The following RPRD2 variants were observed in gnomAD, a reference collection of about 807,000 sequenced individuals.
The protein encoded by RPRD2 is regulation of nuclear pre-mRNA domain containing 2.
A neutral mutation model predicts 104.4 loss-of-function variants in RPRD2; 12 were observed. The ratio of observed to expected loss-of-function variants is 0.11; its 90% CI spans 0.07 to 0.19. RPRD2 has a LOEUF of 0.19. RPRD2 is among the 10% of genes least tolerant of loss of function. RPRD2 has a pLI of 1.00. For synonymous variants in RPRD2, 714 were observed against 684.9 expected, an observed-to-expected ratio of 1.04 and a Z score of -0.66; for missense variants, 1,543 against 1,790.1, an observed-to-expected ratio of 0.86 and a Z score of 2.49.
chr1:150,379,433 G>A (rs1660966246), intron 1 of RPRD2, among the ~76,000 whole-genome samples: 1 of 150,398 alleles, frequency 6.6e-6, no homozygotes, highest in African/African-American at 2.4e-5. Flanking sequence ...ACCGAGTTTT[G>A]CTTTTGTTAC....
Position 150,405,246 on chromosome 1 carries a change from A to G in RPRD2, c.206-12350A>G, listed in dbSNP as rs79854846. The stretch of plus-strand genomic sequence containing the variant: ...TAAATTAAGTAACTGGTGGATTGAT[A>G]CCTTATGAATGTTAACATACTACTC... On this transcript the variant is annotated intron_variant, in intron 1 of 10. Transcript: ENST00000369068. 8.4e-3 allele frequency among the ~76,000 whole-genome samples: 1,281 copies of G among 152,304 alleles called. 26 individuals carry two copies. The highest frequency in any genetic ancestry group is 0.03 in the African/African-American group (1,226 of 41,556).
Position 150,418,991 on chromosome 1 carries a change from G to A in RPRD2, c.335+1266G>A, listed in dbSNP as rs1213161590. ...CACGCCACTGCACTCCAGCCTGGGC[G>A]ACAGAGTGAAACTCCGTCTCAAAAC... On this transcript the variant is annotated intron_variant, in intron 2 of 10. Coordinates refer to ENST00000369068, the MANE Select transcript of RPRD2 (RefSeq NM_015203.5). Among the ~76,000 whole-genome samples, 9 of 152,092 alleles carry A rather than the reference G, an allele frequency of 5.9e-5. No individual in the cohort carries two copies. In the South Asian group the frequency reaches 6.2e-4, roughly 11 times the overall value.
intron 9 of RPRD2, 69 bp from the exon 10 acceptor site, chr1:150,464,458 T>G: frequency 8.3e-7 from 1 of 1,211,346 alleles, no homozygotes; most frequent in Non-Finnish European, 1.2e-6. Context: ...CTCATTGAAG[T>G]GAGGGGAAGT....
rs1668860413 is a variant in RPRD2 at position 150,475,718 on chromosome 1, A to G, written c.*2384A>G. On this transcript the variant is annotated 3_prime_UTR_variant, in exon 11 of 11. Transcript: ENST00000369068. Reference sequence around the variant, plus strand: ...TCAGTAAATGAAGATGACAGTGTGTATATATGTGATAAATAGTGAAACAGA... The same window carrying G: ...TCAGTAAATGAAGATGACAGTGTGTGTATATGTGATAAATAGTGAAACAGA... 2 of 152,632 alleles carry G rather than the reference A, an allele frequency of 1.3e-5. No homozygotes were observed. Among genetic ancestry groups the G allele is most frequent in the South Asian group, 4.1e-4 (2 of 4,836 alleles). 9.5% of individuals were successfully genotyped at this position (152,632 alleles called of 1,614,324 possible).
intron 1 of RPRD2, among the ~76,000 whole-genome samples, chr1:150,411,541 G>A (rs1663916012): frequency 1.6e-5 from 2 of 126,764 alleles, no homozygotes; most frequent in Non-Finnish European, 3.3e-5. Flanking sequence ...TGTAATCCCA[G>A]CACTTTGGGA....
intron 9 of RPRD2, among the ~76,000 whole-genome samples, chr1:150,461,176 C>A (rs587720700): frequency 6.6e-6 from 1 of 151,670 alleles, no homozygotes; most frequent in East Asian, 1.9e-4. Context: ...GGTAGATTGC[C>A]TGAGGCCAGG....
chr1:150,436,154 C>A (rs1032717018), intron 2 of RPRD2, among the ~76,000 whole-genome samples: 2 of 151,214 alleles, frequency 1.3e-5, no homozygotes, highest in Non-Finnish European at 2.9e-5. Context: ...AACACAGATT[C>A]TTTACAAAAT....
intron 1 of RPRD2, among the ~76,000 whole-genome samples, chr1:150,387,566 CCTTTTTTTTTTTTTTTTTTTTTTTTT>C (rs1289577008): frequency 4.3e-5 from 3 of 70,116 alleles, no homozygotes; most frequent in Non-Finnish European, 8.8e-5. Flanking sequence ...TTGCAACAGA[CCTTTTTTTTTTTTTTTTTTTTTTTTT>C]TTTTTTTTTT....
Position 150,474,497 on chromosome 1 carries a change from C to T in RPRD2, c.*1163C>T, listed in dbSNP as rs1352932564. ...CAAGGCTCAAGTCTTACCCCCACCTCTCGCTCCCAATAGGAAATAAAGACC... is the reference window on the plus strand; with the variant it reads ...CAAGGCTCAAGTCTTACCCCCACCTTTCGCTCCCAATAGGAAATAAAGACC... On this transcript the variant is annotated 3_prime_UTR_variant, in exon 11 of 11. Coordinates refer to ENST00000369068, the MANE Select transcript of RPRD2 (RefSeq NM_015203.5). 1 of 152,124 alleles carries T rather than the reference C, an allele frequency of 6.6e-6. No homozygotes were observed. The highest frequency in any genetic ancestry group is 1.5e-5 in the Non-Finnish European group (1 of 68,034). 9.4% of individuals were successfully genotyped at this position (152,124 alleles called of 1,614,324 possible).
In RPRD2 at chr1:150,469,066, T is replaced by G. The variant is rs140447820; in HGVS notation, c.1613-1495T>G. Among the ~76,000 whole-genome samples, 478 of 152,286 alleles carry G rather than the reference T, an allele frequency of 3.1e-3. 1 individual carries two copies. The highest frequency in any genetic ancestry group is 3.6e-3 in the Non-Finnish European group (242 of 68,024). On this transcript the variant is annotated intron_variant, in intron 10 of 10. Transcript: ENST00000369068. Reference sequence around the variant, plus strand: ...CCATCCAACATTATTTAGAAATAAATGGCTTTAAAATGTTACAAGGATGGA... The same window carrying G: ...CCATCCAACATTATTTAGAAATAAAGGGCTTTAAAATGTTACAAGGATGGA...
chr1:150,425,102 T>G (rs1277369697), intron 2 of RPRD2, among the ~76,000 whole-genome samples: 1 of 152,156 alleles, frequency 6.6e-6, no homozygotes, highest in East Asian at 1.9e-4. Context: ...TAAATAAAAT[T>G]AGTTTCTCGT....
chr1:150,410,085 G>A (rs1553887355), intron 1 of RPRD2, among the ~76,000 whole-genome samples: 3 of 152,140 alleles, frequency 2.0e-5, no homozygotes, highest in African/African-American at 7.2e-5. Flanking sequence ...TTAACAGACC[G>A]TGAAGCAAGG....
chr1:150,411,838 G>T (rs1553887735), intron 1 of RPRD2, among the ~76,000 whole-genome samples: 1 of 146,692 alleles, frequency 6.8e-6, no homozygotes. Flanking sequence ...AAAGAAGAAG[G>T]CAGTAGGCTA....
At chr1:150,419,172 C>A (rs1553889147) in intron 2 of RPRD2, among the ~76,000 whole-genome samples, 1 of 152,094 alleles carries the variant, frequency 6.6e-6, no homozygotes, top group Non-Finnish European at 1.5e-5. Flanking sequence ...ATACTGTGTT[C>A]TTTGTGTTGC....
intron 1 of RPRD2, among the ~76,000 whole-genome samples, chr1:150,401,725 A>G (rs1245059977): frequency 7.4e-6 from 1 of 135,900 alleles, no homozygotes; most frequent in Non-Finnish European, 1.6e-5. Flanking sequence ...CTCACTGCAA[A>G]CGCCGCCTCC....
Position 150,473,310 on chromosome 1 carries a change from C to G in RPRD2, c.4362C>G (p.Arg1454=), listed in dbSNP as rs750819505. 1.9e-6 allele frequency: 3 copies of G among 1,611,984 alleles called. No individual in the cohort carries two copies. The African/African-American group carries it at 4.0e-5, about 22-fold the overall frequency. The change falls in exon 11 of 11, where the codon CGC becomes CGG. Residue 1454 remains arginine (R), a synonymous_variant. Transcript: ENST00000369068. ...ARGPPFFAPK[R]PFFPPRY ...GCCCTCCGTTCTTTGCACCAAAACGCCCATTCTTCCCTCCCAGGTACTGAT... is the reference window on the plus strand; with the variant it reads ...GCCCTCCGTTCTTTGCACCAAAACGGCCATTCTTCCCTCCCAGGTACTGAT...
At chr1:150,372,506 G>GACACAC (rs143656895) in intron 1 of RPRD2, among the ~76,000 whole-genome samples, 6 of 150,182 alleles carry the variant, frequency 4.0e-5, no homozygotes, top group Non-Finnish European at 5.9e-5. Context: ...CACACACACA[G>GACACAC]ACACACACAC....
At chr1:150,453,034 C>CT (rs11342600) in intron 7 of RPRD2, among the ~76,000 whole-genome samples, 247 of 132,976 alleles carry the variant, frequency 1.9e-3, no homozygotes, top group African/African-American at 2.5e-3. Context: ...AATATATTTA[C>CT]TTTTTTTTTT....
rs879958686 is a variant in RPRD2 at position 150,458,965 on chromosome 1, G to A, written c.1154-1095G>A. On this transcript the variant is annotated intron_variant, in intron 8 of 10. Coordinates refer to ENST00000369068, the MANE Select transcript of RPRD2 (RefSeq NM_015203.5). ...GCCCTGATTCTTTTTTTGTTAATTT[G>A]GCTGCTAGAAAATTTAAACTTACAT... 7.2e-5 allele frequency among the ~76,000 whole-genome samples: 11 copies of A among 152,084 alleles called. No individual in the cohort carries two copies. The Middle Eastern group carries it at 0.01, about 141-fold the overall frequency.
Sources: allele counts gnomAD v4.1 joint callset (sites outside exome capture counted in the v4.1 genomes callset), GRCh38; gene constraint gnomAD v4.1.1; transcripts MANE v1.5; gene names NCBI Gene and HGNC (gene_info 2026-07-23, HGNC 2026-07-21).